The following GALNTL6 variants were observed in gnomAD, a reference collection of about 807,000 sequenced individuals.
GALNTL6 encodes the protein polypeptide N-acetylgalactosaminyltransferase-like 6.
GALNTL6 carries 46 observed loss-of-function variants against 73.7 expected under a neutral mutation model. The ratio of observed to expected loss-of-function variants is 0.62; its 90% CI spans 0.49 to 0.80. The LOEUF (loss-of-function observed/expected upper bound fraction) is 0.80. GALNTL6 is among the 30% of genes least tolerant of loss of function. GALNTL6 has a pLI of 0.00. For synonymous variants in GALNTL6, 259 were observed against 263.7 expected (o/e 0.98, Z 0.17); for missense variants, 604 against 755.0 (o/e 0.80, Z 2.34).
At chr4:172,632,731 T>C (rs552304462) in intron 5 of GALNTL6, among the ~76,000 whole-genome samples, 117 of 152,310 alleles carry the variant, frequency 7.7e-4, no homozygotes, top group African/African-American at 2.7e-3. Flanking sequence ...CAGAGCATGT[T>C]ACAGACCTTT....
chr4:172,254,401 G>A (rs1206129335), intron 3 of GALNTL6, among the ~76,000 whole-genome samples: 3 of 151,650 alleles, frequency 2.0e-5, no homozygotes, highest in Admixed American at 6.6e-5. Flanking sequence ...GATACAAGTC[G>A]TTTTGCTTTG....
intron 3 of GALNTL6, among the ~76,000 whole-genome samples, chr4:172,277,151 A>C (rs574410911): frequency 2.6e-4 from 40 of 152,218 alleles, no homozygotes; most frequent in African/African-American, 9.1e-4. Flanking sequence ...GCTGTTGCTC[A>C]CCATTCTTCC....
At chr4:171,828,495 A>G (rs900806472) in intron 2 of GALNTL6, among the ~76,000 whole-genome samples, 32 of 152,230 alleles carry the variant, frequency 2.1e-4, no homozygotes, top group African/African-American at 7.7e-4. Context: ...CCGTAGATGG[A>G]AGTCCACAGC....
chr4:172,156,134 GT>G (rs1395800574), intron 2 of GALNTL6, among the ~76,000 whole-genome samples: 2 of 152,006 alleles, frequency 1.3e-5, no homozygotes, highest in Non-Finnish European at 2.9e-5. Flanking sequence ...CGGGGCAGGG[GT>G]TTTATAGTCC....
intron 2 of GALNTL6, among the ~76,000 whole-genome samples, chr4:171,876,307 T>C (rs1286070330): frequency 6.6e-6 from 1 of 152,186 alleles, no homozygotes; most frequent in Non-Finnish European, 1.5e-5. Context: ...GACACTATAA[T>C]ATGGTTTATT....
At chr4:172,931,817 T>G (rs1227982822) in intron 9 of GALNTL6, among the ~76,000 whole-genome samples, 1 of 152,266 alleles carries the variant, frequency 6.6e-6, no homozygotes, top group Non-Finnish European at 1.5e-5. Context: ...TTTCCAATAT[T>G]GTTTTGAATA....
chr4:172,941,845 T>C (rs978027227), intron 9 of GALNTL6, among the ~76,000 whole-genome samples: 1 of 152,246 alleles, frequency 6.6e-6, no homozygotes, highest in South Asian at 2.1e-4. Context: ...GTCTAAGCCA[T>C]GGGAGCACCT....
At chr4:172,367,896 G>T (rs1742628200) in intron 5 of GALNTL6, among the ~76,000 whole-genome samples, 1 of 152,098 alleles carries the variant, frequency 6.6e-6, no homozygotes, top group Non-Finnish European at 1.5e-5. Context: ...CTATACTCCA[G>T]ACTTTTAAGC....
At chr4:171,887,693 C>T (rs1339179433) in intron 2 of GALNTL6, among the ~76,000 whole-genome samples, 5 of 152,024 alleles carry the variant, frequency 3.3e-5, no homozygotes, top group African/African-American at 9.7e-5. Flanking sequence ...GTTTCAAATA[C>T]CACTTTCCTA....
At chr4:172,233,228 A>C (rs545764654) in intron 3 of GALNTL6, among the ~76,000 whole-genome samples, 1 of 148,866 alleles carries the variant, frequency 6.7e-6, no homozygotes, top group Admixed American at 6.7e-5. Context: ...AAAAAAATTC[A>C]TCCGGGCATG....
At chr4:171,942,269 T>TAAATAAATAAAAAA (rs1423565851) in intron 2 of GALNTL6, among the ~76,000 whole-genome samples, 6 of 144,148 alleles carry the variant, frequency 4.2e-5, no homozygotes, top group Non-Finnish European at 7.5e-5. Flanking sequence ...TAAATAAATA[T>TAAATAAATAAAAAA]AATATACAGA....
intron 2 of GALNTL6, among the ~76,000 whole-genome samples, chr4:171,862,120 T>G (rs1304987771): frequency 6.6e-6 from 1 of 152,146 alleles, no homozygotes; most frequent in Non-Finnish European, 1.5e-5. Context: ...CCTAGATTTT[T>G]CCATTGCAAT....
chr4:172,811,165 G>T (rs1187592942), intron 6 of GALNTL6, among the ~76,000 whole-genome samples: 2 of 152,100 alleles, frequency 1.3e-5, no homozygotes, highest in Admixed American at 6.6e-5. Context: ...CAGTTTCTTG[G>T]CTCATTTTTC....
intron 3 of GALNTL6, among the ~76,000 whole-genome samples, chr4:172,303,863 G>A (rs1275371044): frequency 2.0e-5 from 3 of 152,136 alleles, no homozygotes; most frequent in South Asian, 2.1e-4. Context: ...GCCCAAGAAT[G>A]AAACAGTAGT....
chr4:172,265,907 A>G (rs1005010291), intron 3 of GALNTL6, among the ~76,000 whole-genome samples: 4 of 152,124 alleles, frequency 2.6e-5, no homozygotes, highest in Non-Finnish European at 5.9e-5. Flanking sequence ...AAAGTTTGAT[A>G]TATAAAGAAA....
chr4:171,836,581 C>T (rs1189937187), intron 2 of GALNTL6, among the ~76,000 whole-genome samples: 1 of 152,040 alleles, frequency 6.6e-6, no homozygotes, highest in Non-Finnish European at 1.5e-5. Flanking sequence ...CCAACATCAT[C>T]GTAAATATGA....
At chr4:172,334,705 G>A (rs544928864) in intron 4 of GALNTL6, among the ~76,000 whole-genome samples, 6 of 152,176 alleles carry the variant, frequency 3.9e-5, no homozygotes, top group Admixed American at 6.5e-5. Flanking sequence ...TTCATATTTG[G>A]TTGCATTTAT....
At chr4:172,321,317 A>C (rs1394426687) in intron 4 of GALNTL6, among the ~76,000 whole-genome samples, 5 of 152,186 alleles carry the variant, frequency 3.3e-5, no homozygotes, top group Non-Finnish European at 5.9e-5. Flanking sequence ...AACAAGTCCA[A>C]GTGGGAGGCA....
At chr4:172,096,227 C>T (rs927189791) in intron 2 of GALNTL6, among the ~76,000 whole-genome samples, 2 of 152,014 alleles carry the variant, frequency 1.3e-5, no homozygotes, top group Non-Finnish European at 2.9e-5. Context: ...CCTCAGCCTC[C>T]CAAATAGCTA....
Sources: gnomAD v4.1 joint callset for allele counts (sites outside exome capture counted in the v4.1 genomes callset) on GRCh38, gnomAD v4.1.1 for gene constraint, MANE v1.5 for transcripts, NCBI Gene and HGNC (gene_info 2026-07-23, HGNC 2026-07-21) for gene names.